Variants in EFNA2 observed in about 807,000 individuals in gnomAD.
The protein encoded by EFNA2 is ephrin A2.
EFNA2 carries 18 observed loss-of-function variants against 19.7 expected under a neutral mutation model. The observed-to-expected ratio is 0.91, with a 90% CI of 0.63 to 1.35. The LOEUF (loss-of-function observed/expected upper bound fraction) is 1.35, where lower values mean the gene tolerates loss of function less well. Among genes scored for constraint, EFNA2 ranks in the 40% most tolerant of loss-of-function variants. The pLI is 0.00. For missense variants in EFNA2, 303 were observed against 296.0 expected (o/e 1.02, Z -0.17); for synonymous variants, 187 against 137.8 (o/e 1.36, Z -2.50).
At chr19:1,290,680 C>T (rs998872061) in intron 1 of EFNA2, among the ~76,000 whole-genome samples, 2 of 152,182 alleles carry the variant, frequency 1.3e-5, no homozygotes, top group Non-Finnish European at 2.9e-5. Flanking sequence ...CCAGGCCTTG[C>T]CCCTCAGTCC....
At chr19:1,288,950 C>T (rs575385950) in intron 1 of EFNA2, among the ~76,000 whole-genome samples, 3 of 152,300 alleles carry the variant, frequency 2.0e-5, no homozygotes, top group Non-Finnish European at 2.9e-5. Flanking sequence ...TGGACCTGGC[C>T]GGCTGCCCTC....
chr19:1,287,388 C>G lies in EFNA2; in HGVS notation c.140+1080C>G, dbSNP rs10417091. On this transcript the variant is annotated intron_variant, in intron 1 of 3. Coordinates refer to ENST00000215368, the MANE Select transcript of EFNA2 (RefSeq NM_001405.4). This position sits in a 1 kb window ranked among gnomAD's most constrained non-coding sequence, Gnocchi z 6.2. ...CATCGGGGGCTGAGGCGGCCCCCCCCCACTCTTCTGCTACTGGTCACTTTC... is the reference window on the plus strand; with the variant it reads ...CATCGGGGGCTGAGGCGGCCCCCCCGCACTCTTCTGCTACTGGTCACTTTC... 4.6e-5 allele frequency among the ~76,000 whole-genome samples: 7 copies of G among 152,084 alleles called. No homozygotes were observed. Among genetic ancestry groups the G allele is most frequent in the Non-Finnish European group, 8.8e-5 (6 of 67,984 alleles).
At chr19:1,289,237 C>T (rs1021140690) in intron 1 of EFNA2, among the ~76,000 whole-genome samples, 1 of 152,232 alleles carries the variant, frequency 6.6e-6, no homozygotes, top group African/African-American at 2.4e-5. Flanking sequence ...TGCGTGGCAC[C>T]CGCGTTTGCA....
chr19:1,295,983 C>T lies in EFNA2; in HGVS notation c.454+125C>T. ...GGGCGGGGCAGCGCAGTGGGCGGGG[C>T]CGCGGTGTGGGGCCAGGGGGGAGTG... On this transcript the variant is annotated intron_variant, in intron 2 of 3. Transcript: ENST00000215368. This position sits in a 1 kb window ranked among gnomAD's most constrained non-coding sequence, Gnocchi z 5.8. The T allele has an allele frequency of 1.3e-6, 1 of 757,452 alleles. No homozygotes were observed. The highest frequency in any genetic ancestry group is 1.8e-6 in the Non-Finnish European group (1 of 562,402). The allele number at this position is 757,452 out of a possible 1,614,324, so 46.9% of individuals were successfully genotyped here.
chr19:1,295,671 C>T lies in EFNA2; in HGVS notation c.267C>T (p.Tyr89=), dbSNP rs561395362. ...PLPPAERMEH[Y]VLYMVNGEGH... is the part of the protein sequence containing the mutation. ...CGCCGGCCGAGCGCATGGAGCACTA[C>T]GTGCTGTACATGGTCAACGGCGAGG... The change falls in exon 2 of 4, where the codon TAC becomes TAT. Residue 89 remains tyrosine (Y), a synonymous_variant. Coordinates refer to ENST00000215368, the MANE Select transcript of EFNA2 (RefSeq NM_001405.4). This position sits in a 1 kb window ranked among gnomAD's most constrained non-coding sequence, Gnocchi z 5.8. The T allele has an allele frequency of 7.4e-6, 12 of 1,611,382 alleles. No individual in the cohort carries two copies. The highest frequency in any genetic ancestry group is 1.1e-5 in the South Asian group (1 of 90,804).
chr19:1,296,458 C>T lies in EFNA2; in HGVS notation c.454+600C>T, dbSNP rs765109781. On this transcript the variant is annotated intron_variant, in intron 2 of 3. Coordinates refer to ENST00000215368, the MANE Select transcript of EFNA2 (RefSeq NM_001405.4). The surrounding 1 kb of genome is among the most constrained non-coding windows in gnomAD (Gnocchi z 4.4). ...TTGGGATGCCGAGGCGGGAGGATCA[C>T]TTGAGGCCAGCGTGGACAACGTAGG... is the stretch of plus-strand genomic sequence containing the variant. Among the ~76,000 whole-genome samples, 3 of 152,150 alleles carry T rather than the reference C, an allele frequency of 2.0e-5. No homozygotes were observed. Among genetic ancestry groups the T allele is most frequent in the African/African-American group, 7.2e-5 (3 of 41,426 alleles).
chr19:1,288,641 G>A (rs539409457), intron 1 of EFNA2, among the ~76,000 whole-genome samples: 5 of 152,146 alleles, frequency 3.3e-5, no homozygotes, highest in South Asian at 2.1e-4. Flanking sequence ...CGCCCCTTCC[G>A]CCCATTGGCC....
In EFNA2 at chr19:1,295,922, G is replaced by A. The variant is rs911050035; in HGVS notation, c.454+64G>A. The A allele has an allele frequency of 5.6e-6, 5 of 887,610 alleles. No homozygotes were observed. The highest frequency in any genetic ancestry group is 1.9e-5 in the African/African-American group (1 of 53,404). The allele number at this position is 887,610 out of a possible 1,614,324, so 55.0% of individuals were successfully genotyped here. On this transcript the variant is annotated intron_variant, in intron 2 of 3. Transcript: ENST00000215368. This position sits in a 1 kb window ranked among gnomAD's most constrained non-coding sequence, Gnocchi z 5.8. ...GGCGGGGACGCGGGGGCGGGGCCAG[G>A]AAGTGGGCGGGACCACTGGGGTGGG...
rs918956056 is a variant in EFNA2, at chr19:1,300,881, C to T, written c.*936C>T. 1.3e-5 allele frequency among the ~76,000 whole-genome samples: 2 copies of T among 151,990 alleles called. No homozygotes were observed. Among genetic ancestry groups the T allele is most frequent in the Non-Finnish European group, 2.9e-5 (2 of 68,002 alleles). ...TTCCTGTAAATACAGCCAGCAAGTG[C>T]AAACTGTGATTTTATTTTCCACGTA... On this transcript the variant is annotated 3_prime_UTR_variant, in exon 4 of 4. Transcript: ENST00000215368.
rs372950517 is a variant in EFNA2 at position 1,298,657 on chromosome 19, C to G, written c.520+41C>G. 26 of 1,606,844 alleles carry G rather than the reference C, an allele frequency of 1.6e-5. No individual in the cohort carries two copies. In the African/African-American group the frequency reaches 2.9e-4, roughly 18 times the overall value. ...GATGGGCAGGATCCAGGCCCCCACC[C>G]CTGTGTCCTAAACCCACAGAACCAG... On this transcript the variant is annotated intron_variant, in intron 3 of 3. Transcript: ENST00000215368.
At position 1,296,657 on chromosome 19, in the gene EFNA2, GA is replaced by G. The variant is rs1208202054; in HGVS notation, c.454+806del. On this transcript the variant is annotated intron_variant, in intron 2 of 3. Transcript: ENST00000215368. This position sits in a 1 kb window ranked among gnomAD's most constrained non-coding sequence, Gnocchi z 4.4. Reference sequence around the variant, plus strand: ...GAGCGAGACCCTGTCTTTAAAAGAAGAAAAAAACCCCACAGGGCCCCTGCCG... The same window carrying G: ...GAGCGAGACCCTGTCTTTAAAAGAAGAAAAAACCCCACAGGGCCCCTGCCG... Among the ~76,000 whole-genome samples the G allele has an allele frequency of 4.0e-5, 6 of 151,844 alleles. No individual in the cohort carries two copies. The highest frequency in any genetic ancestry group is 1.2e-4 in the African/African-American group (5 of 41,372).
Position 1,301,075 on chromosome 19 carries a change from A to G in EFNA2, c.*1130A>G, listed in dbSNP as rs896005647. ...ACTCTGTGACCTGATAATGTTTCTA[A>G]GAAAAAGAAAAAAAGGACAAAAGGG... On this transcript the variant is annotated 3_prime_UTR_variant, in exon 4 of 4. Transcript: ENST00000215368. Among the ~76,000 whole-genome samples, 2 of 147,380 alleles carry G rather than the reference A, an allele frequency of 1.4e-5. No individual in the cohort carries two copies. The highest frequency in any genetic ancestry group is 4.0e-4 in the East Asian group (2 of 4,982).
At chr19:1,293,375 G>C (rs2081500163) in intron 1 of EFNA2, among the ~76,000 whole-genome samples, 1 of 152,254 alleles carries the variant, frequency 6.6e-6, no homozygotes, top group Non-Finnish European at 1.5e-5. Context: ...GGGGCAGCCT[G>C]AGGGGTGGGC....
Position 1,295,065 on chromosome 19 carries a change from G to A in EFNA2, c.141-480G>A, listed in dbSNP as rs1330652143. Among the ~76,000 whole-genome samples, 1 of 152,060 alleles carries A rather than the reference G, an allele frequency of 6.6e-6. No homozygotes were observed. The highest frequency in any genetic ancestry group is 1.5e-5 in the Non-Finnish European group (1 of 67,990). ...TCGCTGCTGGCCCTGCCGTGGGGCTGTTGGGGACACTGAGGCAGGAGGTGG... is the reference window on the plus strand; with the variant it reads ...TCGCTGCTGGCCCTGCCGTGGGGCTATTGGGGACACTGAGGCAGGAGGTGG... On this transcript the variant is annotated intron_variant, in intron 1 of 3. Coordinates refer to ENST00000215368, the MANE Select transcript of EFNA2 (RefSeq NM_001405.4). The surrounding 1 kb of genome is among the most constrained non-coding windows in gnomAD (Gnocchi z 5.8).
In EFNA2 at chr19:1,286,874, G is replaced by A. The variant is rs577320591; in HGVS notation, c.140+566G>A. 1.3e-5 allele frequency among the ~76,000 whole-genome samples: 2 copies of A among 152,376 alleles called. No homozygotes were observed. Among genetic ancestry groups the A allele is most frequent in the East Asian group, 3.9e-4 (2 of 5,182 alleles). ...GGGGGCCAAGGGCCCAGCTTTGAAA[G>A]GAGACTGAGGGGCCGGGGAGCTGGG... On this transcript the variant is annotated intron_variant, in intron 1 of 3. Transcript: ENST00000215368. This position sits in a 1 kb window ranked among gnomAD's most constrained non-coding sequence, Gnocchi z 5.6.
intron 3 of EFNA2, 118 bp from the exon 4 acceptor site, chr19:1,299,706 G>T: frequency 7.3e-7 from 1 of 1,375,496 alleles, no homozygotes; most frequent in East Asian, 2.7e-5. Context: ...GGAGCAGAGG[G>T]CCTGCCTGGT....
chr19:1,293,406 T>C (rs570164858), intron 1 of EFNA2, among the ~76,000 whole-genome samples: 1 of 152,268 alleles, frequency 6.6e-6, no homozygotes, highest in Non-Finnish European at 1.5e-5. Context: ...CCCATCTCCA[T>C]CTGAGCCTGT....
At chr19:1,288,677 G>A (rs1387195213) in intron 1 of EFNA2, among the ~76,000 whole-genome samples, 2 of 152,112 alleles carry the variant, frequency 1.3e-5, no homozygotes, top group Non-Finnish European at 2.9e-5. Context: ...GGCGATGACT[G>A]TGTGGTCTGT....
At chr19:1,299,716 T>C in intron 3 of EFNA2, 108 bp from the exon 4 acceptor site, 4 of 1,414,370 alleles carry the variant, frequency 2.8e-6, no homozygotes, top group Non-Finnish European at 3.7e-6. Context: ...GCCTGCCTGG[T>C]GGGGTGATGA....
Sources: allele counts gnomAD v4.1 joint callset (sites outside exome capture counted in the v4.1 genomes callset), GRCh38; gene constraint gnomAD v4.1.1; non-coding constraint Gnocchi (gnomAD v3.1); transcripts MANE v1.5; gene names NCBI Gene and HGNC (gene_info 2026-07-23, HGNC 2026-07-21).